Variants in ITPR1 observed in about 807,000 individuals in gnomAD.
The protein encoded by ITPR1 is inositol 1,4,5-trisphosphate-gated calcium channel ITPR1.
ITPR1 carries 96 observed loss-of-function variants against 318.4 expected under a neutral mutation model. The ratio of observed to expected loss-of-function variants is 0.30; its 90% CI spans 0.26 to 0.36. The LOEUF is 0.36. Among genes scored for constraint, ITPR1 ranks in the 10% least tolerant of loss-of-function variants. ITPR1 has a pLI of 1.00. For missense variants in ITPR1, 2,440 were observed against 3,460.2 expected (o/e 0.71, Z 7.40); for synonymous variants, 1,312 against 1,289.9 (o/e 1.02, Z -0.37).
chr3:4,503,089 A>C (rs1343835609), intron 2 of ITPR1, among the ~76,000 whole-genome samples: 2 of 152,156 alleles, frequency 1.3e-5, no homozygotes, highest in Non-Finnish European at 2.9e-5. Flanking sequence ...CATCTCAATA[A>C]AAAGAAAAAA....
At chr3:4,657,148 C>G (rs2093728413) in intron 12 of ITPR1, among the ~76,000 whole-genome samples, 2 of 152,206 alleles carry the variant, frequency 1.3e-5, no homozygotes, top group African/African-American at 4.8e-5. Flanking sequence ...TGCTGGACAT[C>G]TTTTTCAGGG....
chr3:4,498,374 A>C (rs1187504828), intron 2 of ITPR1, among the ~76,000 whole-genome samples: 1 of 152,176 alleles, frequency 6.6e-6, no homozygotes, highest in Non-Finnish European at 1.5e-5. Context: ...CAGAGCAGCA[A>C]GTACAGAGGC....
chr3:4,685,289 T>G, intron 30 of ITPR1, 83 bp downstream of exon 30: 1 of 1,361,790 alleles, frequency 7.3e-7, no homozygotes, highest in Non-Finnish European at 9.7e-7. Context: ...ATCTGGATAT[T>G]GTTAGTGAAG....
intron 16 of ITPR1, among the ~76,000 whole-genome samples, chr3:4,664,928 A>G (rs142562144): frequency 7.2e-5 from 11 of 152,310 alleles, no homozygotes; most frequent in African/African-American, 2.6e-4. Flanking sequence ...TGTTAGGTGT[A>G]TGAGGACCAG....
At chr3:4,558,166 G>C (rs1014220291) in intron 4 of ITPR1, among the ~76,000 whole-genome samples, 1 of 152,176 alleles carries the variant, frequency 6.6e-6, no homozygotes, top group Non-Finnish European at 1.5e-5. Context: ...ACATATCTAA[G>C]ATGTAGGGGG....
chr3:4,742,923 C>A (rs1336886673), intron 44 of ITPR1, among the ~76,000 whole-genome samples: 1 of 152,164 alleles, frequency 6.6e-6, no homozygotes. Context: ...CTCAATTGAC[C>A]CAAGTCCTTC....
At chr3:4,500,487 AC>A (rs35997474) in intron 2 of ITPR1, among the ~76,000 whole-genome samples, 52,357 of 151,860 alleles carry the variant, frequency 0.34, 9,330 homozygotes, top group Admixed American at 0.41. Context: ...CAGGCGTGAG[AC>A]CATCATGCCT....
In ITPR1 at chr3:4,836,815, A is replaced by G. The variant is rs764602780; in HGVS notation, c.8070A>G (p.Ser2690=). The part of the protein sequence containing the change: ...LDWFPRMRAM[S]LVSSDSEGEQ... ...GGTTCCCCAGGATGAGAGCCATGTC[A>G]TTGGTCAGCAGTGATTCTGAAGGAG... Residue 2690 remains serine (S), a synonymous_variant, in exon 61 of 62, where the codon TCA becomes TCG. Transcript: ENST00000649015. The G allele has an allele frequency of 6.7e-7, 1 of 1,491,678 alleles. No individual in the cohort carries two copies. Among genetic ancestry groups the G allele is most frequent in the East Asian group, 2.4e-5 (1 of 41,976 alleles). The allele number at this position is 1,491,678 out of a possible 1,614,324, so 92.4% of individuals were successfully genotyped here. A position where few individuals can be genotyped will look rare whatever the true frequency, so the allele number is the denominator to read the frequency against.
chr3:4,658,106 G>A lies in ITPR1; in HGVS notation c.997-18G>A, dbSNP rs1229455537. On this transcript the variant is annotated intron_variant, in intron 12 of 61. Transcript: ENST00000649015. ...TTTGGCATGCATGGTTCTTGATTTGGTGACTTTACCTCCTCAGGTGGACCC... is the reference window on the plus strand; with the variant it reads ...TTTGGCATGCATGGTTCTTGATTTGATGACTTTACCTCCTCAGGTGGACCC... The A allele has an allele frequency of 1.9e-6, 3 of 1,594,604 alleles. No individual in the cohort carries two copies. The highest frequency in any genetic ancestry group is 2.6e-6 in the Non-Finnish European group (3 of 1,167,052).
At chr3:4,592,339 A>G (rs1303819515) in intron 4 of ITPR1, among the ~76,000 whole-genome samples, 1 of 152,206 alleles carries the variant, frequency 6.6e-6, no homozygotes, top group African/African-American at 2.4e-5. Context: ...CATTGATGGT[A>G]TTCATTGTAC....
chr3:4,653,377 G>A (rs998453762), intron 11 of ITPR1, among the ~76,000 whole-genome samples: 2 of 152,190 alleles, frequency 1.3e-5, no homozygotes, highest in African/African-American at 4.8e-5. Context: ...TCAAATTTGA[G>A]ATAAAGCCAT....
chr3:4,639,368 T>C lies in ITPR1; in HGVS notation c.280-16T>C, dbSNP rs1488571245. On this transcript the variant is annotated splice_polypyrimidine_tract_variant and intron_variant, in intron 5 of 61. Transcript: ENST00000649015. ...TGGTTTCCTCTTTGTGATCAATCTT[T>C]CTTCTCAATGCACAGCACGCTGCAG... is the stretch of plus-strand genomic sequence containing the variant. 1 of 1,548,064 alleles carries C rather than the reference T, an allele frequency of 6.5e-7. No homozygotes were observed.
chr3:4,789,755 G>C (rs915285574), intron 52 of ITPR1, among the ~76,000 whole-genome samples: 2 of 152,190 alleles, frequency 1.3e-5, no homozygotes, highest in Non-Finnish European at 2.9e-5. Flanking sequence ...GAGTAGCTGA[G>C]ATTACAGGCA....
chr3:4,649,503 AT>A (rs2093546792), intron 10 of ITPR1, among the ~76,000 whole-genome samples: 1 of 152,140 alleles, frequency 6.6e-6, no homozygotes, highest in African/African-American at 2.4e-5. Flanking sequence ...GTCATTCCCT[AT>A]TTCCCCTTCA....
At chr3:4,554,396 A>G (rs576480228) in intron 4 of ITPR1, among the ~76,000 whole-genome samples, 140 of 152,330 alleles carry the variant, frequency 9.2e-4, no homozygotes, top group African/African-American at 3.2e-3. Context: ...TCCTTTAGGA[A>G]GATTAGTCTG....
At chr3:4,551,073 G>A (rs1041141699) in intron 4 of ITPR1, among the ~76,000 whole-genome samples, 1 of 152,212 alleles carries the variant, frequency 6.6e-6, no homozygotes, top group Non-Finnish European at 1.5e-5. Context: ...AAGTGCTCAT[G>A]TGTATGTATT....
chr3:4,550,393 C>T (rs965585449), intron 4 of ITPR1, among the ~76,000 whole-genome samples: 16 of 152,152 alleles, frequency 1.1e-4, no homozygotes, highest in Non-Finnish European at 1.9e-4. Flanking sequence ...ATCTACCTAA[C>T]GGGGTCGTGA....
At chr3:4,727,002 A>G in intron 41 of ITPR1, 124 bp from the exon 42 acceptor site, 1 of 778,008 alleles carries the variant, frequency 1.3e-6, no homozygotes, top group African/African-American at 1.7e-5. Context: ...ATCCAGACCT[A>G]TTCTCCTTTT....
chr3:4,760,989 C>T (rs758026018), intron 44 of ITPR1, among the ~76,000 whole-genome samples: 22 of 152,196 alleles, frequency 1.4e-4, no homozygotes, highest in Non-Finnish European at 2.2e-4. Flanking sequence ...GACATGTCTG[C>T]GGGGACCATT....
Sources: gnomAD v4.1 joint callset for allele counts (sites outside exome capture counted in the v4.1 genomes callset) on GRCh38, gnomAD v4.1.1 for gene constraint, MANE v1.5 for transcripts, NCBI Gene and HGNC (gene_info 2026-07-23, HGNC 2026-07-21) for gene names.